The following RIC3 variants were observed in gnomAD, a reference collection of about 807,000 sequenced individuals.
RIC3 encodes the protein protein RIC-3.
In RIC3, 28 loss-of-function variants were observed where a neutral mutation model predicts 27.3. The ratio of observed to expected loss-of-function variants is 1.02; its 90% confidence interval spans 0.76 to 1.41. The LOEUF (loss-of-function observed/expected upper bound fraction) is 1.41, where lower values mean the gene tolerates loss of function less well. Among genes scored for constraint, RIC3 ranks in the 40% most tolerant of loss-of-function variants. RIC3 has a pLI of 0.00. For synonymous variants in RIC3, 184 were observed against 160.4 expected (o/e 1.15, Z -1.11); for missense variants, 501 against 444.7 (o/e 1.13, Z -1.14).
At chr11:8,120,061 GAGA>G (rs1946273215) in intron 5 of RIC3, among the ~76,000 whole-genome samples, 1 of 152,214 alleles carries the variant, frequency 6.6e-6, no homozygotes, top group Non-Finnish European at 1.5e-5. Context: ...AGAGGATGTG[GAGA>G]AATAGGAAGG....
intron 4 of RIC3, among the ~76,000 whole-genome samples, chr11:8,134,587 G>T (rs1407406324): frequency 6.6e-6 from 1 of 152,180 alleles, no homozygotes; most frequent in East Asian, 1.9e-4. Flanking sequence ...TTCCACAATG[G>T]TTGAACTAGT....
chr11:8,157,598 T>C (rs183289392), intron 1 of RIC3, among the ~76,000 whole-genome samples: 1 of 152,348 alleles, frequency 6.6e-6, no homozygotes, highest in Admixed American at 6.5e-5. Flanking sequence ...CCTAGTGTTT[T>C]ATTTGTTTGG....
Position 8,106,735 on chromosome 11 carries a change from G to C in RIC3, c.*3963C>G, listed in dbSNP as rs1944708164. The stretch of plus-strand genomic sequence containing the variant: ...GTGGCAGATTTGAAGGCAAAAGGAA[G>C]GGAGGCTACAGTTGTAGCTAGAAGC... On this transcript the variant is annotated 3_prime_UTR_variant, in exon 6 of 6. Coordinates refer to ENST00000309737, the MANE Select transcript of RIC3 (RefSeq NM_001206671.4). The C allele has an allele frequency of 1.3e-5, 2 of 152,356 alleles. No individual in the cohort carries two copies. Among genetic ancestry groups the C allele is most frequent in the Non-Finnish European group, 1.5e-5 (1 of 68,090 alleles). The allele number at this position is 152,356 out of a possible 1,614,324, so 9.4% of individuals were successfully genotyped here. A position where few individuals can be genotyped will look rare whatever the true frequency, so the allele number is the denominator to read the frequency against.
rs11378233 is a variant in RIC3 at position 8,118,527 on chromosome 11, T to TAAAA, written c.671-7394_671-7391dup. On this transcript the variant is annotated intron_variant, in intron 5 of 5. Coordinates refer to ENST00000309737, the MANE Select transcript of RIC3 (RefSeq NM_001206671.4). Reference sequence around the variant, plus strand: ...GCTATTGAATAGAAAGCCATAATTGTAAAAAAAAAAAAAAAAAAAAAAAAA... The same window carrying TAAAA: ...GCTATTGAATAGAAAGCCATAATTGTAAAAAAAAAAAAAAAAAAAAAAAAAAAAA... 7.8e-3 allele frequency among the ~76,000 whole-genome samples: 521 copies of TAAAA among 66,670 alleles called. 21 individuals are homozygous for TAAAA. Among genetic ancestry groups the TAAAA allele is most frequent in the African/African-American group, 0.026 (447 of 17,082 alleles). 43.7% of individuals were successfully genotyped at this position (66,670 alleles called of 152,430 possible). A position where few individuals can be genotyped will look rare whatever the true frequency, so the allele number is the denominator to read the frequency against.
intron 4 of RIC3, chr11:8,128,213 G>C: frequency 2.2e-6 from 1 of 457,368 alleles, no homozygotes; most frequent in Non-Finnish European, 4.4e-6. Context: ...GACTAGAAGA[G>C]CTTACCTGCT....
chr11:8,101,388 G>A (rs1197411840), downstream of RIC3: 3 of 1,467,022 alleles, frequency 2.0e-6, no homozygotes, highest in Admixed American at 1.7e-5. Context: ...CTTCTCACTT[G>A]TTCTTCCCTC....
At chr11:8,157,822 G>A (rs1249060696) in intron 1 of RIC3, among the ~76,000 whole-genome samples, 3 of 152,112 alleles carry the variant, frequency 2.0e-5, no homozygotes, top group South Asian at 2.1e-4. Context: ...GATCAAGCAA[G>A]GTATTCCATA....
At chr11:8,153,380 C>A (rs970698719) in intron 1 of RIC3, 13 of 449,072 alleles carry the variant, frequency 2.9e-5, no homozygotes, top group African/African-American at 2.0e-4. Context: ...TCTACCTTAA[C>A]CGTCAAATCC....
chr11:8,105,767 T>TC (rs1944557049), downstream of RIC3: 1 of 152,200 alleles, frequency 6.6e-6, no homozygotes, highest in Non-Finnish European at 1.5e-5. Flanking sequence ...AGACATCACA[T>TC]CCCTCTCCTC....
chr11:8,122,177 G>A (rs1426857910), intron 5 of RIC3, among the ~76,000 whole-genome samples: 2 of 152,146 alleles, frequency 1.3e-5, no homozygotes, highest in South Asian at 2.1e-4. Context: ...GATATAGTCA[G>A]TATACAGAAC....
chr11:8,110,589 G>T lies in RIC3; in HGVS notation c.*109C>A. ...TCCATGATAGTGGCCTGATAGCTAT[G>T]ACACTTGAACACAGTGAAGAAAGTG... On this transcript the variant is annotated 3_prime_UTR_variant, in exon 6 of 6. Coordinates refer to ENST00000309737, the MANE Select transcript of RIC3 (RefSeq NM_001206671.4). 2.1e-6 allele frequency: 2 copies of T among 959,024 alleles called. No homozygotes were observed. The highest frequency in any genetic ancestry group is 1.3e-5 in the South Asian group (1 of 77,140). 59.4% of individuals were successfully genotyped at this position (959,024 alleles called of 1,614,324 possible).
chr11:8,151,567 C>T (rs944572105), intron 1 of RIC3, among the ~76,000 whole-genome samples: 7 of 117,216 alleles, frequency 6.0e-5, no homozygotes, highest in Non-Finnish European at 1.2e-4. Context: ...GCCTGGGCGA[C>T]AGAGTGAAAC....
Position 8,111,047 on chromosome 11 carries a change from T to C in RIC3, c.761A>G (p.Lys254Arg). ...ETILVDYPDP[K>R]ELSAEEIAER... ...AGCTATTTCTTCAGCAGAAAGTTCT[T>C]TTGGGTCAGGGTAATCCACCAAGAT... The change falls in exon 6 of 6, where the codon AAA (lysine) becomes AGA (arginine). Residue 254 changes from lysine to arginine, a missense_variant. Lys to Arg is a conservative substitution (Grantham distance 26, BLOSUM62 2). Transcript: ENST00000309737. 1.2e-6 allele frequency: 2 copies of C among 1,614,206 alleles called. No homozygotes were observed. The highest frequency in any genetic ancestry group is 1.6e-4 in the Middle Eastern group (1 of 6,062).
the RIC3 span, chr11:8,095,522 C>T: frequency 6.2e-7 from 1 of 1,611,850 alleles, no homozygotes; most frequent in Non-Finnish European, 8.5e-7. Flanking sequence ...GCAGCACTGG[C>T]AGAAGACAAG....
intron 5 of RIC3, among the ~76,000 whole-genome samples, chr11:8,119,701 T>C (rs747231290): frequency 6.6e-6 from 1 of 152,190 alleles, no homozygotes; most frequent in Non-Finnish European, 1.5e-5. Flanking sequence ...AAATAGGATC[T>C]AATTAAACTA....
At position 8,106,279 on chromosome 11, in the gene RIC3, C is replaced by T. The variant is rs1464058133; in HGVS notation, c.*4419G>A. On this transcript the variant is annotated 3_prime_UTR_variant, in exon 6 of 6. Transcript: ENST00000309737. The stretch of plus-strand genomic sequence containing the variant: ...CTTTTTTCATAAAGGGGAAAAAAGC[C>T]CTGTTTACTTCCTAATTTTTTTCTA... 1 of 152,028 alleles carries T rather than the reference C, an allele frequency of 6.6e-6. No individual in the cohort carries two copies. The highest frequency in any genetic ancestry group is 1.5e-5 in the Non-Finnish European group (1 of 68,002). The allele number at this position is 152,028 out of a possible 1,614,324, so 9.4% of individuals were successfully genotyped here.
intron 1 of RIC3, among the ~76,000 whole-genome samples, chr11:8,149,378 G>T (rs1950022891): frequency 6.6e-6 from 1 of 152,096 alleles, no homozygotes; most frequent in Non-Finnish European, 1.5e-5. Context: ...AATTAGTTTG[G>T]CTCCATTTAG....
intron 1 of RIC3, among the ~76,000 whole-genome samples, chr11:8,144,233 T>C (rs1949404274): frequency 6.7e-6 from 1 of 149,896 alleles, no homozygotes; most frequent in Non-Finnish European, 1.5e-5. Flanking sequence ...ACCATCAGAG[T>C]GAACAGGCAA....
intron 1 of RIC3, among the ~76,000 whole-genome samples, chr11:8,146,339 T>G (rs1470570953): frequency 6.6e-6 from 1 of 152,186 alleles, no homozygotes; most frequent in African/African-American, 2.4e-5. Flanking sequence ...TATTAATCTT[T>G]CAAGCAAATA....
Sources: allele counts gnomAD v4.1 joint callset (sites outside exome capture counted in the v4.1 genomes callset), GRCh38; gene constraint gnomAD v4.1.1; transcripts MANE v1.5; gene names NCBI Gene and HGNC (gene_info 2026-07-23, HGNC 2026-07-21).